SIRT3: variants seen among roughly 807,000 people sequenced by gnomAD.
SIRT3 encodes the protein NAD-dependent protein deacetylase sirtuin-3, mitochondrial.
In SIRT3, 26 loss-of-function variants were observed where a neutral mutation model predicts 33.5. The ratio of observed to expected loss-of-function variants is 0.78; its 90% CI spans 0.57 to 1.08. SIRT3 has a LOEUF of 1.08. Among genes scored for constraint, SIRT3 ranks in the 50% least tolerant of loss-of-function variants. SIRT3 has a pLI of 0.00. For synonymous variants in SIRT3, 237 were observed against 222.1 expected, an observed-to-expected ratio of 1.07 and a Z score of -0.60; for missense variants, 585 against 530.1, an observed-to-expected ratio of 1.10 and a Z score of -1.02.
chr11:236,198 T>C lies in SIRT3; in HGVS notation c.131A>G (p.Asp44Gly). ...GCCTCTCAGCCCCGCACTCACATCG[T>C]CCCTGCCGCCAAGCACCAGCCGACA... is the stretch of plus-strand genomic sequence containing the variant. ...CGCRLVLGGR[D>G]DVSAGLRGSH... is the part of the protein sequence containing the mutation. The change falls in exon 1 of 7, where the codon GAC (aspartate) becomes GGC (glycine). Residue 44 changes from aspartate to glycine, a missense_variant. Physicochemically the swap from Asp to Gly is moderately conservative, Grantham distance 94. Transcript: ENST00000382743. 1 of 1,559,678 alleles carries C rather than the reference T, an allele frequency of 6.4e-7. No individual in the cohort carries two copies. The highest frequency in any genetic ancestry group is 1.4e-5 in the African/African-American group (1 of 73,298).
chr11:226,769 T>C (rs1857229482), intron 4 of SIRT3, among the ~76,000 whole-genome samples: 1 of 150,804 alleles, frequency 6.6e-6, no homozygotes, highest in Non-Finnish European at 1.5e-5. Flanking sequence ...TTTTTTTTTT[T>C]TGAGATGGAG....
intron 5 of SIRT3, among the ~76,000 whole-genome samples, chr11:221,890 T>C (rs1332204322): frequency 1.8e-5 from 2 of 109,360 alleles, no homozygotes; most frequent in African/African-American, 5.2e-5. Context: ...ACGTATGCAT[T>C]TGTACAAAAA....
chr11:226,990 C>T (rs11246017), intron 4 of SIRT3, among the ~76,000 whole-genome samples: 22,465 of 150,548 alleles, frequency 0.15, 1,801 homozygotes, highest in South Asian at 0.34. Context: ...TGACCTCAGG[C>T]GATCCACCCA....
At chr11:218,069 A>G (rs1855905200) in intron 6 of SIRT3, among the ~76,000 whole-genome samples, 1 of 152,194 alleles carries the variant, frequency 6.6e-6, no homozygotes, top group African/African-American at 2.4e-5. Context: ...CCACAGCCAT[A>G]TGGAACTGTG....
intron 4 of SIRT3, among the ~76,000 whole-genome samples, chr11:228,160 A>G (rs1857424350): frequency 6.6e-6 from 1 of 152,194 alleles, no homozygotes; most frequent in African/African-American, 2.4e-5. Context: ...GTACATATTT[A>G]TAGTAAAATT....
rs1856642405 is a variant in SIRT3, at chr11:223,027, C to G, written c.969+1051G>C. On this transcript the variant is annotated intron_variant, in intron 5 of 6. Coordinates refer to ENST00000382743, the MANE Select transcript of SIRT3 (RefSeq NM_012239.6). The surrounding 1 kb of genome is among the most constrained non-coding windows in gnomAD (Gnocchi z 4.8). ...TATGTCCAAAGCACTGGAGCAGGGC[C>G]CAGCACACAATGAATGCCTGAACAA... The G allele has an allele frequency of 6.5e-6, 1 of 152,714 alleles. No individual in the cohort carries two copies. Among genetic ancestry groups the G allele is most frequent in the Admixed American group, 6.5e-5 (1 of 15,302 alleles). The allele number at this position is 152,714 out of a possible 1,614,324, so 9.5% of individuals were successfully genotyped here. A position where few individuals can be genotyped will look rare whatever the true frequency, so the allele number is the denominator to read the frequency against.
chr11:232,595 G>A (rs567749071), intron 3 of SIRT3, among the ~76,000 whole-genome samples: 1 of 152,250 alleles, frequency 6.6e-6, no homozygotes, highest in African/African-American at 2.4e-5. Flanking sequence ...GATGAGGACA[G>A]GACGGTTCGT....
chr11:216,025 T>A lies in SIRT3; in HGVS notation c.*673A>T, dbSNP rs1009969874. On this transcript the variant is annotated 3_prime_UTR_variant, in exon 7 of 7. Coordinates refer to ENST00000382743, the MANE Select transcript of SIRT3 (RefSeq NM_012239.6). ...TGTGACCACCTTCAGAGGGAGGAGCTGGGCCGTCTCCAATAAATCCAGGGA... is the reference window on the plus strand; with the variant it reads ...TGTGACCACCTTCAGAGGGAGGAGCAGGGCCGTCTCCAATAAATCCAGGGA... The A allele has an allele frequency of 1.3e-5, 2 of 152,714 alleles. No individual in the cohort carries two copies. The highest frequency in any genetic ancestry group is 4.8e-5 in the African/African-American group (2 of 41,422). The allele number at this position is 152,714 out of a possible 1,614,324, so 9.5% of individuals were successfully genotyped here.
Position 218,973 on chromosome 11 carries a change from G to A in SIRT3, c.1038C>T (p.Asp346=), listed in dbSNP as rs1372178876. ...SSVPRLLINR[D]LVGPLAWHPR... ...GATGCCAAGCCAAGGGCCCCACCAA[G>A]TCCCGGTTGATGAGCAGTCGGGGAA... is the stretch of plus-strand genomic sequence containing the variant. Residue 346 remains aspartate, a synonymous_variant, in exon 6 of 7, where the codon GAC becomes GAT. Transcript: ENST00000382743. 1.2e-6 allele frequency: 2 copies of A among 1,614,158 alleles called. No homozygotes were observed. Among genetic ancestry groups the A allele is most frequent in the South Asian group, 1.1e-5 (1 of 91,078 alleles).
rs916449564 is a variant in SIRT3, at chr11:219,140, T to C, written c.970-99A>G. 3.2e-5 allele frequency: 46 copies of C among 1,431,788 alleles called. No homozygotes were observed. In the Middle Eastern group the frequency reaches 7.6e-4, roughly 24 times the overall value. The allele number at this position is 1,431,788 out of a possible 1,614,324, so 88.7% of individuals were successfully genotyped here. On this transcript the variant is annotated intron_variant, in intron 5 of 6. Coordinates refer to ENST00000382743, the MANE Select transcript of SIRT3 (RefSeq NM_012239.6). ...ACCGAGGCCTTGGAGGAGCAGCAGA[T>C]TGGCAGTCAGAGCCTGCGATATAGG...
chr11:232,878 C>A lies in SIRT3; in HGVS notation c.706+105G>T, dbSNP rs1023423318. 43 of 1,093,482 alleles carry A rather than the reference C, an allele frequency of 3.9e-5. No homozygotes were observed. In the African/African-American group the frequency reaches 6.6e-4, roughly 17 times the overall value. The allele number at this position is 1,093,482 out of a possible 1,614,324, so 67.7% of individuals were successfully genotyped here. A position where few individuals can be genotyped will look rare whatever the true frequency, so the allele number is the denominator to read the frequency against. On this transcript the variant is annotated intron_variant, in intron 3 of 6. Coordinates refer to ENST00000382743, the MANE Select transcript of SIRT3 (RefSeq NM_012239.6). The stretch of plus-strand genomic sequence containing the variant: ...TTTGGCCGTCCCCAGAAACAGGCAC[C>A]CGAGCATCCCCTGTGAGAAACAGGC...
At chr11:231,875 G>A (rs1243273064) in intron 3 of SIRT3, among the ~76,000 whole-genome samples, 1 of 151,636 alleles carries the variant, frequency 6.6e-6, no homozygotes, top group African/African-American at 2.4e-5. Flanking sequence ...CGGGAGCCTG[G>A]CTCCCGGAGA....
intron 5 of SIRT3, 93 bp from the exon 6 acceptor site, chr11:219,134 A>G: frequency 2.1e-6 from 3 of 1,450,398 alleles, no homozygotes; most frequent in Non-Finnish European, 2.8e-6. Context: ...TTGGAGGAGC[A>G]GCAGATTGGC....
chr11:232,384 G>A (rs4980331), intron 3 of SIRT3, among the ~76,000 whole-genome samples: 23,730 of 152,074 alleles, frequency 0.16, 2,341 homozygotes, highest in Middle Eastern at 0.22. Context: ...CTCCCAAAAT[G>A]CTGGGATTAC....
At chr11:236,397 C>A, upstream of SIRT3, 3 of 1,106,422 alleles carry the variant, frequency 2.7e-6, no homozygotes, top group Non-Finnish European at 3.3e-6. Context: ...CCTCCGCCTC[C>A]CACCCCCGCC....
At chr11:231,870 G>T (rs1206680586) in intron 3 of SIRT3, among the ~76,000 whole-genome samples, 2 of 150,746 alleles carry the variant, frequency 1.3e-5, no homozygotes, top group African/African-American at 4.9e-5. Flanking sequence ...CTCTCCGGGA[G>T]CCTGGCTCCC....
At chr11:234,453 T>C (rs1468534582) in intron 1 of SIRT3, among the ~76,000 whole-genome samples, 1 of 148,984 alleles carries the variant, frequency 6.7e-6, no homozygotes, top group Non-Finnish European at 1.5e-5. Flanking sequence ...CTCGCTCTGT[T>C]GCCCAGGCTG....
intron 5 of SIRT3, among the ~76,000 whole-genome samples, chr11:221,943 T>G (rs1856497676): frequency 6.6e-6 from 1 of 152,004 alleles, no homozygotes; most frequent in Admixed American, 6.6e-5. Context: ...TAACAGTTGG[T>G]GGGATTAAAA....
rs1457285289 is a variant in SIRT3 at position 236,069 on chromosome 11, G to A, written c.260C>T (p.Ala87Val). The change falls in exon 1 of 7, where the codon GCT (alanine) becomes GTT (valine). Residue 87 changes from alanine (A) to valine (V), a missense_variant. Ala to Val is a moderately conservative substitution (Grantham distance 64). Coordinates refer to ENST00000382743, the MANE Select transcript of SIRT3 (RefSeq NM_012239.6). ...ATACCTCGAAAAGAAGAAACTGGGAGCTGCTGCCCTCGGCTGCCTCCGGAA... is the reference window on the plus strand; with the variant it reads ...ATACCTCGAAAAGAAGAAACTGGGAACTGCTGCCCTCGGCTGCCTCCGGAA... ...RAFRRQPRAAAPSFFFSSIKG... is the reference protein window; with the variant it reads ...RAFRRQPRAAVPSFFFSSIKG... 7 of 1,535,036 alleles carry A rather than the reference G, an allele frequency of 4.6e-6. No homozygotes were observed. The East Asian group carries it at 1.5e-4, about 32-fold the overall frequency.
Sources: allele counts gnomAD v4.1 joint callset (sites outside exome capture counted in the v4.1 genomes callset), GRCh38; gene constraint gnomAD v4.1.1; non-coding constraint Gnocchi (gnomAD v3.1); transcripts MANE v1.5; gene names NCBI Gene and HGNC (gene_info 2026-07-23, HGNC 2026-07-21).